Variants in WASF3 observed in about 807,000 individuals in gnomAD.
WASF3 encodes the protein actin-binding protein WASF3.
WASF3 carries 11 observed loss-of-function variants against 46.6 expected under a neutral mutation model. The ratio of observed to expected loss-of-function variants is 0.24; its 90% CI spans 0.15 to 0.39. The LOEUF (loss-of-function observed/expected upper bound fraction) is 0.39, where lower values mean the gene tolerates loss of function less well. Among genes scored for constraint, WASF3 ranks in the 10% least tolerant of loss-of-function variants. WASF3 has a pLI of 1.00. For missense variants in WASF3, 576 were observed against 669.8 expected, an observed-to-expected ratio of 0.86 and a Z score of 1.55; for synonymous variants, 242 against 259.7, an observed-to-expected ratio of 0.93 and a Z score of 0.65.
At chr13:26,608,610 A>T (rs1337358777) in intron 1 of WASF3, among the ~76,000 whole-genome samples, 2 of 152,130 alleles carry the variant, frequency 1.3e-5, no homozygotes, top group African/African-American at 4.8e-5. Context: ...GAGGTCAATT[A>T]TGTGTTGAAT....
chr13:26,590,182 T>C (rs1418674073), intron 1 of WASF3, among the ~76,000 whole-genome samples: 1 of 152,210 alleles, frequency 6.6e-6, no homozygotes, highest in Non-Finnish European at 1.5e-5. Flanking sequence ...CCCATCGCGC[T>C]AATTTCCATC....
At chr13:26,546,468 C>T in the WASF3 span, among the ~76,000 whole-genome samples, 10 of 152,230 alleles carry the variant, frequency 6.6e-5, no homozygotes, top group Non-Finnish European at 1.3e-4. Context: ...TTTGGGAGGC[C>T]GAGGTGGGTG....
intron 1 of WASF3, among the ~76,000 whole-genome samples, chr13:26,606,081 C>A (rs1880786729): frequency 6.6e-6 from 1 of 152,118 alleles, no homozygotes; most frequent in Admixed American, 6.5e-5. Flanking sequence ...GGTGCAGTAA[C>A]AGTACTTGGT....
chr13:26,616,033 A>T lies in WASF3; in HGVS notation c.-11+2975A>T, dbSNP rs149298225. Among the ~76,000 whole-genome samples, 89 of 152,188 alleles carry T rather than the reference A, an allele frequency of 5.8e-4. 1 individual carries two copies. Among genetic ancestry groups the T allele is most frequent in the Non-Finnish European group, 9.8e-4 (67 of 68,022 alleles). The stretch of plus-strand genomic sequence containing the variant: ...CATTCACCTGCTAATGGACACTTGG[A>T]TTGTTTCTAGTTTTTGGCTGTTACA... On this transcript the variant is annotated intron_variant, in intron 2 of 9. Coordinates refer to ENST00000335327, the MANE Select transcript of WASF3 (RefSeq NM_006646.6).
At chr13:26,596,261 A>C (rs994564789) in intron 1 of WASF3, among the ~76,000 whole-genome samples, 1 of 149,140 alleles carries the variant, frequency 6.7e-6, no homozygotes. Flanking sequence ...TCTTCTGCTT[A>C]TTTGCCGTCT....
chr13:26,603,217 T>C (rs1013659623), intron 1 of WASF3, among the ~76,000 whole-genome samples: 6 of 152,190 alleles, frequency 3.9e-5, no homozygotes, highest in African/African-American at 1.4e-4. Context: ...CAGCTTCTTG[T>C]GTCGGGGCCT....
chr13:26,573,182 A>G (rs796777082), intron 1 of WASF3, among the ~76,000 whole-genome samples: 13 of 152,208 alleles, frequency 8.5e-5, no homozygotes, highest in African/African-American at 3.1e-4. Context: ...TTCTATCTCT[A>G]TGGGTGTCCA....
At chr13:26,597,210 G>T (rs1880495202) in intron 1 of WASF3, among the ~76,000 whole-genome samples, 1 of 152,196 alleles carries the variant, frequency 6.6e-6, no homozygotes, top group Non-Finnish European at 1.5e-5. Context: ...TCATCCCACT[G>T]CAACCTCTGC....
Position 26,679,016 on chromosome 13 carries a change from C to T in WASF3, c.717-2038C>T, listed in dbSNP as rs1432822399. Among the ~76,000 whole-genome samples, 7 of 150,672 alleles carry T rather than the reference C, an allele frequency of 4.6e-5. No homozygotes were observed. Among genetic ancestry groups the T allele is most frequent in the East Asian group, 2.0e-4 (1 of 5,126 alleles). ...AGCCCTCTTCCTCCTCCTCCCGTGT[C>T]GGTGTCATCTCCGGCCCTCCCGGCC... is the stretch of plus-strand genomic sequence containing the variant. On this transcript the variant is annotated intron_variant, in intron 7 of 9. Coordinates refer to ENST00000335327, the MANE Select transcript of WASF3 (RefSeq NM_006646.6). This position sits in a 1 kb window ranked among gnomAD's most constrained non-coding sequence, Gnocchi z 4.8.
chr13:26,574,895 G>A (rs1879747380), intron 1 of WASF3, among the ~76,000 whole-genome samples: 1 of 150,048 alleles, frequency 6.7e-6, no homozygotes, highest in Admixed American at 6.6e-5. Context: ...GGAGTGCAGT[G>A]GTGCGATCTC....
Position 26,686,602 on chromosome 13 carries a change from G to A in WASF3, c.*757G>A, listed in dbSNP as rs1883412524. 1 of 152,306 alleles carries A rather than the reference G, an allele frequency of 6.6e-6. No individual in the cohort carries two copies. The highest frequency in any genetic ancestry group is 1.5e-5 in the Non-Finnish European group (1 of 68,170). 9.4% of individuals were successfully genotyped at this position (152,306 alleles called of 1,614,324 possible). On this transcript the variant is annotated 3_prime_UTR_variant, in exon 10 of 10. Transcript: ENST00000335327. ...TCCATTTTCCTTCCTGGGGCCATTG[G>A]GGATGACACTCAAGATACTTGCCAG...
chr13:26,574,116 C>T lies in WASF3; in HGVS notation c.-109+16297C>T, dbSNP rs2137157738. Among the ~76,000 whole-genome samples, 4 of 152,014 alleles carry T rather than the reference C, an allele frequency of 2.6e-5. No individual in the cohort carries two copies. In the Middle Eastern group the frequency reaches 0.014, roughly 517 times the overall value. On this transcript the variant is annotated intron_variant, in intron 1 of 9. Coordinates refer to ENST00000335327, the MANE Select transcript of WASF3 (RefSeq NM_006646.6). ...CAGAGGATATTTTTTGTGATATTTC[C>T]ATTTTATGAACATAGTAATGATTTC...
chr13:26,588,004 G>C lies in WASF3; in HGVS notation c.-108-24957G>C, dbSNP rs1457363417. On this transcript the variant is annotated intron_variant, in intron 1 of 9. Transcript: ENST00000335327. ...CCAAATCCTAAAGAAAAGTTTACCA[G>C]CAACTCCATAATCCCATCAAGAATA... 2.2e-4 allele frequency among the ~76,000 whole-genome samples: 33 copies of C among 152,116 alleles called. 1 individual carries two copies. The highest frequency in any genetic ancestry group is 2.2e-3 in the Admixed American group (33 of 15,274).
chr13:26,559,938 C>T (rs1470150038), intron 1 of WASF3, among the ~76,000 whole-genome samples: 1 of 149,936 alleles, frequency 6.7e-6, no homozygotes, highest in African/African-American at 2.5e-5. Context: ...CTGCCTCAGA[C>T]TCCCGAGTAG....
intron 1 of WASF3, chr13:26,577,753 A>G (rs1879845544): frequency 4.5e-6 from 3 of 671,072 alleles, no homozygotes; most frequent in Non-Finnish European, 7.8e-6. Context: ...GGAAATTGAC[A>G]TTGGTACAAT....
intron 9 of WASF3, 70 bp downstream of exon 9, chr13:26,683,044 A>G: frequency 6.5e-7 from 1 of 1,536,876 alleles, no homozygotes; most frequent in South Asian, 1.3e-5. Context: ...AGCCAGCTAC[A>G]GCCTCCTTGT....
chr13:26,599,158 G>T (rs2137198394), intron 1 of WASF3, among the ~76,000 whole-genome samples: 1 of 148,582 alleles, frequency 6.7e-6, no homozygotes, highest in South Asian at 2.1e-4. Context: ...CGCTGCGCCT[G>T]GCCTGCCCTG....
upstream of WASF3, among the ~76,000 whole-genome samples, chr13:26,554,043 CCTTCCTTCCTTCCT>C (rs1566032358): frequency 1.5e-3 from 88 of 60,456 alleles, 6 homozygotes; most frequent in South Asian, 2.9e-3. Context: ...CTCTTTCTTT[CCTTCCTTCCTTCCT>C]TCCTTCCTTC....
At chr13:26,572,335 C>T (rs1258023586) in intron 1 of WASF3, among the ~76,000 whole-genome samples, 1 of 152,128 alleles carries the variant, frequency 6.6e-6, no homozygotes, top group Admixed American at 6.5e-5. Flanking sequence ...TGTGTATGTG[C>T]GTGCATGCAC....
Sources: allele counts gnomAD v4.1 joint callset (sites outside exome capture counted in the v4.1 genomes callset), GRCh38; gene constraint gnomAD v4.1.1; non-coding constraint Gnocchi (gnomAD v3.1); transcripts MANE v1.5; gene names NCBI Gene and HGNC (gene_info 2026-07-23, HGNC 2026-07-21).